The following ATF7IP2 variants were observed in gnomAD, a reference collection of about 807,000 sequenced individuals.
ATF7IP2 encodes the protein activating transcription factor 7-interacting protein 2.
A neutral mutation model predicts 64.2 loss-of-function variants in ATF7IP2; 42 were observed. That is an observed-to-expected ratio of 0.65 (90% CI 0.51 to 0.85). The LOEUF (loss-of-function observed/expected upper bound fraction) is 0.85, where lower values mean the gene tolerates loss of function less well. ATF7IP2 is among the 40% of genes least tolerant of loss of function. The pLI, the probability that ATF7IP2 is intolerant of heterozygous loss-of-function variation, is 0.00. For synonymous variants in ATF7IP2, 308 were observed against 272.8 expected (o/e 1.13, Z -1.27); for missense variants, 933 against 784.2 (o/e 1.19, Z -2.27).
At chr16:10,386,753 G>A (rs970978294) in intron 1 of ATF7IP2, 2 of 152,168 alleles carry the variant, frequency 1.3e-5, no homozygotes, top group Middle Eastern at 3.2e-3. Flanking sequence ...GTAGAAGTTC[G>A]TTTTTATGAA....
At chr16:10,478,769 A>G (rs1447320079) in intron 12 of ATF7IP2, among the ~76,000 whole-genome samples, 1 of 152,242 alleles carries the variant, frequency 6.6e-6, no homozygotes, top group African/African-American at 2.4e-5. Context: ...ACAAAGGGCT[A>G]ATATTCAGAA....
At chr16:10,393,007 G>A (rs2047357212) in intron 1 of ATF7IP2, among the ~76,000 whole-genome samples, 1 of 151,520 alleles carries the variant, frequency 6.6e-6, no homozygotes, top group South Asian at 2.1e-4. Context: ...GAAAAATGAA[G>A]TTTTAAAAAT....
At chr16:10,449,273 T>C (rs1380955979) in intron 8 of ATF7IP2, 1 of 152,192 alleles carries the variant, frequency 6.6e-6, no homozygotes, top group African/African-American at 2.4e-5. Context: ...TGAAATTTTC[T>C]TTTGTTGTGT....
intron 9 of ATF7IP2, among the ~76,000 whole-genome samples, chr16:10,461,677 C>T (rs1041222492): frequency 1.3e-5 from 2 of 151,984 alleles, no homozygotes; most frequent in Non-Finnish European, 2.9e-5. Context: ...GATAGTAAAT[C>T]TAAAGAGTAA....
Position 10,440,373 on chromosome 16 carries a change from G to A in ATF7IP2, c.1105G>A (p.Ala369Thr). ...GIADKLLAKI[A>T]KLQRRIKTVL... is the part of the protein sequence containing the mutation. ...TCTCTTTTTCTTCTAGGCAAAAATA[G>A]CAAAACTTCAAAGACGTATTAAAAC... is the stretch of plus-strand genomic sequence containing the variant. Residue 369 changes from alanine to threonine, a missense_variant, in exon 8 of 14, where the codon GCA becomes ACA. Ala to Thr is a moderately conservative substitution (Grantham distance 58, BLOSUM62 0). Transcript: ENST00000562102. The A allele has an allele frequency of 3.3e-6, 5 of 1,533,498 alleles. No individual in the cohort carries two copies. The highest frequency in any genetic ancestry group is 2.4e-5 in the East Asian group (1 of 42,236). The allele number at this position is 1,533,498 out of a possible 1,614,324, so 95.0% of individuals were successfully genotyped here.
At chr16:10,464,543 C>T (rs1386971489) in intron 9 of ATF7IP2, among the ~76,000 whole-genome samples, 2 of 152,120 alleles carry the variant, frequency 1.3e-5, no homozygotes, top group Non-Finnish European at 2.9e-5. Context: ...AAACACATGA[C>T]AAAAATTAAA....
At chr16:10,394,737 G>C (rs1282156248) in intron 1 of ATF7IP2, among the ~76,000 whole-genome samples, 2 of 152,104 alleles carry the variant, frequency 1.3e-5, no homozygotes. Flanking sequence ...CAAATATGTT[G>C]AAATTAACAC....
chr16:10,389,992 G>T (rs7185256), intron 1 of ATF7IP2, among the ~76,000 whole-genome samples: 6,331 of 152,184 alleles, frequency 0.042, 470 homozygotes, highest in African/African-American at 0.15. Flanking sequence ...AAGACCCTCC[G>T]TTCAAATATT....
chr16:10,439,464 G>A (rs1040960715), intron 7 of ATF7IP2, among the ~76,000 whole-genome samples: 2 of 150,570 alleles, frequency 1.3e-5, no homozygotes, highest in African/African-American at 2.4e-5. Flanking sequence ...TCAATCTCCT[G>A]ACCTCATGAT....
intron 8 of ATF7IP2, chr16:10,449,469 G>C (rs1303482378): frequency 6.6e-6 from 1 of 152,146 alleles, no homozygotes; most frequent in Admixed American, 6.5e-5. Context: ...ATTAATTACT[G>C]CCTCAATTTC....
chr16:10,390,853 A>C (rs1172737603), intron 1 of ATF7IP2, among the ~76,000 whole-genome samples: 2 of 152,234 alleles, frequency 1.3e-5, no homozygotes, highest in Non-Finnish European at 2.9e-5. Context: ...CAAGAACAGC[A>C]AAGCAAACGC....
intron 3 of ATF7IP2, among the ~76,000 whole-genome samples, chr16:10,421,716 A>G (rs112825800): frequency 2.4e-3 from 373 of 152,352 alleles, no homozygotes; most frequent in African/African-American, 8.6e-3. Flanking sequence ...CACAAAGTAT[A>G]TCATCCATAT....
chr16:10,431,133 C>G lies in ATF7IP2; in HGVS notation c.513C>G (p.Pro171=), dbSNP rs1332273461. Residue 171 remains proline, a synonymous_variant, in exon 5 of 14, where the codon CCC becomes CCG. Coordinates refer to ENST00000562102, the MANE Select transcript of ATF7IP2 (RefSeq NM_001393719.1). ...ACSLKSSCCP[P]SVLSGVVQMP... is the part of the protein sequence containing the mutation. ...GTCTAAAGTCCAGTTGCTGTCCACC[C>G]AGTGTATTGAGTGGTGTTGTTCAGA... 2 of 1,614,032 alleles carry G rather than the reference C, an allele frequency of 1.2e-6. No homozygotes were observed. The highest frequency in any genetic ancestry group is 1.7e-6 in the Non-Finnish European group (2 of 1,180,030).
intron 1 of ATF7IP2, among the ~76,000 whole-genome samples, chr16:10,406,096 AAAAAG>A (rs746071104): frequency 2.6e-4 from 39 of 151,952 alleles, no homozygotes; most frequent in Non-Finnish European, 5.4e-4. Flanking sequence ...CTCAAAAAAA[AAAAAG>A]AAAAGCTTCA....
intron 1 of ATF7IP2, among the ~76,000 whole-genome samples, chr16:10,407,607 T>G (rs1426532204): frequency 1.3e-5 from 2 of 152,334 alleles, no homozygotes; most frequent in South Asian, 2.1e-4. Context: ...GAAATCAAAA[T>G]AGTCTCATTT....
At chr16:10,440,314 G>A (rs759871311) in intron 7 of ATF7IP2, 50 bp from the exon 8 acceptor site, 2 of 892,388 alleles carry the variant, frequency 2.2e-6, no homozygotes, top group Admixed American at 6.0e-5. Context: ...ATCTCTATGT[G>A]ATATATAGTA....
chr16:10,434,065 C>G (rs183712422), intron 6 of ATF7IP2, among the ~76,000 whole-genome samples: 2 of 151,892 alleles, frequency 1.3e-5, no homozygotes, highest in East Asian at 3.9e-4. Context: ...CCAGAAGACT[C>G]AAACAACCTG....
chr16:10,388,553 T>A (rs999143565), intron 1 of ATF7IP2, among the ~76,000 whole-genome samples: 1 of 152,218 alleles, frequency 6.6e-6, no homozygotes, highest in Non-Finnish European at 1.5e-5. Context: ...CAAGGCCTTT[T>A]TAGTACTCTT....
chr16:10,475,722 G>GAAAAAAAAAAAAAAAAAAAAACAAA (rs2049980037), intron 12 of ATF7IP2, among the ~76,000 whole-genome samples: 1 of 41,644 alleles, frequency 2.4e-5, no homozygotes, highest in Non-Finnish European at 4.0e-5. Flanking sequence ...TAAGAAGCCA[G>GAAAAAAAAAAAAAAAAAAAAACAAA]AAAAAAAAAA....
Sources: gnomAD v4.1 joint callset for allele counts (sites outside exome capture counted in the v4.1 genomes callset) on GRCh38, gnomAD v4.1.1 for gene constraint, MANE v1.5 for transcripts, NCBI Gene and HGNC (gene_info 2026-07-23, HGNC 2026-07-21) for gene names.